AGAP1: variants seen among roughly 807,000 people sequenced by gnomAD.
AGAP1 encodes arf-GAP with GTPase, ANK repeat and PH domain-containing protein 1.
In AGAP1, 29 loss-of-function variants were observed where a neutral mutation model predicts 105.3. That is an observed-to-expected ratio of 0.28 (90% CI 0.21 to 0.38). AGAP1 has a LOEUF of 0.38. Among genes scored for constraint, AGAP1 ranks in the 10% least tolerant of loss-of-function variants. AGAP1 has a pLI of 1.00. For synonymous variants in AGAP1, 509 were observed against 485.9 expected, an observed-to-expected ratio of 1.05 and a Z score of -0.63; for missense variants, 998 against 1,165.1, an observed-to-expected ratio of 0.86 and a Z score of 2.09.
At chr2:235,831,489 G>T (rs13430523) in intron 9 of AGAP1, among the ~76,000 whole-genome samples, 2 of 152,114 alleles carry the variant, frequency 1.3e-5, no homozygotes, top group Non-Finnish European at 2.9e-5. Flanking sequence ...TTCCCCCACC[G>T]CCTGAAATCA....
In AGAP1 at chr2:236,119,438, G is replaced by A. The variant is rs898460254; in HGVS notation, c.2115-754G>A. Among the ~76,000 whole-genome samples the A allele has an allele frequency of 6.6e-6, 1 of 152,130 alleles. No individual in the cohort carries two copies. On this transcript the variant is annotated intron_variant, in intron 16 of 17. Transcript: ENST00000304032. This position sits in a 1 kb window ranked among gnomAD's most constrained non-coding sequence, Gnocchi z 6.6. ...CATTGGAGTCTCCACCCTCTCCTGC[G>A]TGAGTCTGTTGCCATGTTTTCCTCA...
At chr2:235,796,454 A>G (rs1464632337) in intron 6 of AGAP1, among the ~76,000 whole-genome samples, 4 of 152,210 alleles carry the variant, frequency 2.6e-5, no homozygotes, top group Admixed American at 6.5e-5. Flanking sequence ...TGTGATATCA[A>G]TACACTACCG....
intron 1 of AGAP1, among the ~76,000 whole-genome samples, chr2:235,591,742 C>CT (rs910598710): frequency 2.0e-5 from 3 of 152,130 alleles, no homozygotes; most frequent in Non-Finnish European, 2.9e-5. Flanking sequence ...AATTCTTGCT[C>CT]TGATAGTTCA....
chr2:235,774,349 G>T (rs1211340342), intron 6 of AGAP1: 9 of 470,496 alleles, frequency 1.9e-5, no homozygotes, highest in Non-Finnish European at 4.0e-5. Context: ...GCTGCAGAGG[G>T]AGTTCCATGA....
chr2:236,024,298 A>G (rs1270250011), intron 13 of AGAP1, among the ~76,000 whole-genome samples: 1 of 151,960 alleles, frequency 6.6e-6, no homozygotes, highest in Non-Finnish European at 1.5e-5. Context: ...TGGCCTCCCA[A>G]AGTGTTAGGA....
At chr2:235,706,239 T>G (rs545513324) in intron 1 of AGAP1, among the ~76,000 whole-genome samples, 32 of 152,316 alleles carry the variant, frequency 2.1e-4, no homozygotes, top group African/African-American at 7.7e-4. Context: ...GTTTTTTAAA[T>G]AACGAGATGG....
chr2:235,553,067 C>T lies in AGAP1; in HGVS notation c.163+58218C>T, dbSNP rs1308036766. Among the ~76,000 whole-genome samples the T allele has an allele frequency of 6.6e-6, 1 of 152,216 alleles. No individual in the cohort carries two copies. The highest frequency in any genetic ancestry group is 1.5e-5 in the Non-Finnish European group (1 of 68,040). ...CCTCTGAGCCTCTGCTTTATTTCATCTGCAAGTAGCATTAATACTATAACT... is the reference window on the plus strand; with the variant it reads ...CCTCTGAGCCTCTGCTTTATTTCATTTGCAAGTAGCATTAATACTATAACT... On this transcript the variant is annotated intron_variant, in intron 1 of 17. Transcript: ENST00000304032. The surrounding 1 kb of genome is among the most constrained non-coding windows in gnomAD (Gnocchi z 4.5).
chr2:235,704,094 C>T (rs889698089), intron 1 of AGAP1, among the ~76,000 whole-genome samples: 23 of 152,332 alleles, frequency 1.5e-4, no homozygotes, highest in Middle Eastern at 3.4e-3. Context: ...TCTGCGTCCT[C>T]TTGATCTCCC....
At chr2:235,956,488 C>T (rs1440720159) in intron 12 of AGAP1, among the ~76,000 whole-genome samples, 3 of 151,954 alleles carry the variant, frequency 2.0e-5, no homozygotes, top group Admixed American at 1.3e-4. Context: ...TGATGCCATT[C>T]GGCACCAGCT....
intron 6 of AGAP1, among the ~76,000 whole-genome samples, chr2:235,773,205 G>A (rs1955593030): frequency 6.6e-6 from 1 of 152,128 alleles, no homozygotes; most frequent in South Asian, 2.1e-4. Context: ...TCCTCTAGAG[G>A]TTTCCCATTG....
At position 236,026,043 on chromosome 2, in the gene AGAP1, C is replaced by T. The variant is rs952884821; in HGVS notation, c.1646-10518C>T. Among the ~76,000 whole-genome samples the T allele has an allele frequency of 5.9e-5, 9 of 152,334 alleles. No individual in the cohort carries two copies. The South Asian group carries it at 6.2e-4, about 11-fold the overall frequency. On this transcript the variant is annotated intron_variant, in intron 13 of 17. Transcript: ENST00000304032. Reference sequence around the variant, plus strand: ...CCATCCCTGGCTTCACTCTGCTGGGCAGCAGCATTCATACCTGTCCACAGG... The same window carrying T: ...CCATCCCTGGCTTCACTCTGCTGGGTAGCAGCATTCATACCTGTCCACAGG...
chr2:235,502,337 G>T (rs559571173), intron 1 of AGAP1, among the ~76,000 whole-genome samples: 1 of 152,158 alleles, frequency 6.6e-6, no homozygotes, highest in Non-Finnish European at 1.5e-5. Context: ...GTTTGTGTGC[G>T]AGGTTGGGAC....
At chr2:236,107,833 G>A (rs948589582) in intron 16 of AGAP1, among the ~76,000 whole-genome samples, 3 of 152,208 alleles carry the variant, frequency 2.0e-5, no homozygotes, top group African/African-American at 4.8e-5. Context: ...ACCTGCGGCC[G>A]GGCACATTTA....
intron 6 of AGAP1, among the ~76,000 whole-genome samples, chr2:235,794,993 C>T (rs1340417473): frequency 6.6e-6 from 1 of 152,162 alleles, no homozygotes; most frequent in Non-Finnish European, 1.5e-5. Flanking sequence ...GGGTAATATT[C>T]ACATGTTAAA....
rs1373183487 is a variant in AGAP1 at position 236,058,230 on chromosome 2, A to T, written c.2114+8949A>T. ...TCTTGCCTGTGAACTCACTGTGTTA[A>T]TCCAAGTCCCTGGACTTCATTCCTC... is the stretch of plus-strand genomic sequence containing the variant. On this transcript the variant is annotated intron_variant, in intron 16 of 17. Transcript: ENST00000304032. The surrounding 1 kb of genome is among the most constrained non-coding windows in gnomAD (Gnocchi z 4.6). Among the ~76,000 whole-genome samples, 1 of 152,190 alleles carries T rather than the reference A, an allele frequency of 6.6e-6. No individual in the cohort carries two copies.
At chr2:235,587,141 G>T (rs988752972) in intron 1 of AGAP1, among the ~76,000 whole-genome samples, 1 of 152,198 alleles carries the variant, frequency 6.6e-6, no homozygotes, top group Non-Finnish European at 1.5e-5. Flanking sequence ...AAACATGGTG[G>T]TGATAATAGA....
At chr2:235,929,896 C>G (rs1369094885) in intron 11 of AGAP1, among the ~76,000 whole-genome samples, 1 of 152,194 alleles carries the variant, frequency 6.6e-6, no homozygotes, top group Non-Finnish European at 1.5e-5. Flanking sequence ...GTTGAGACAG[C>G]TTAGAACTTA....
chr2:235,636,115 G>GTAAA (rs10587179), intron 1 of AGAP1, among the ~76,000 whole-genome samples: 65,888 of 143,772 alleles, frequency 0.46, 15,429 homozygotes, highest in South Asian at 0.5. Context: ...CTCTGTCTCA[G>GTAAA]TAAATAAATA....
chr2:236,040,234 C>A lies in AGAP1; in HGVS notation c.1801-517C>A, dbSNP rs577434969. ...CCCCCACCCTGGCGAGTGGCTTTGT[C>A]ACTGTGGCAACCGAGGGTCTTCAGA... On this transcript the variant is annotated intron_variant, in intron 14 of 17. Coordinates refer to ENST00000304032, the MANE Select transcript of AGAP1 (RefSeq NM_001037131.3). This position sits in a 1 kb window ranked among gnomAD's most constrained non-coding sequence, Gnocchi z 5.6. Among the ~76,000 whole-genome samples the A allele has an allele frequency of 3.9e-5, 6 of 152,284 alleles. No individual in the cohort carries two copies. The South Asian group carries it at 1.0e-3, about 26-fold the overall frequency.
Sources: allele counts gnomAD v4.1 joint callset (sites outside exome capture counted in the v4.1 genomes callset), GRCh38; gene constraint gnomAD v4.1.1; non-coding constraint Gnocchi (gnomAD v3.1); transcripts MANE v1.5; gene names NCBI Gene and HGNC (gene_info 2026-07-23, HGNC 2026-07-21).